LRPPRC: variants seen among roughly 807,000 people sequenced by gnomAD.
LRPPRC encodes leucine-rich PPR motif-containing protein, mitochondrial.
LRPPRC carries 120 observed loss-of-function variants against 180.3 expected under a neutral mutation model. That is an observed-to-expected ratio of 0.67 (90% confidence interval 0.57 to 0.77). The LOEUF (loss-of-function observed/expected upper bound fraction) is 0.77. LRPPRC is among the 30% of genes least tolerant of loss of function. The pLI, the probability that LRPPRC is intolerant of heterozygous loss-of-function variation, is 0.00. For missense variants in LRPPRC, 2,012 were observed against 1,657.2 expected, an observed-to-expected ratio of 1.21 and a Z score of -3.72; for synonymous variants, 723 against 600.0, an observed-to-expected ratio of 1.21 and a Z score of -3.00.
At chr2:43,929,494 A>C (rs1006003019) in intron 25 of LRPPRC, among the ~76,000 whole-genome samples, 6 of 152,168 alleles carry the variant, frequency 3.9e-5, no homozygotes, top group African/African-American at 1.4e-4. Context: ...CCTATATTTT[A>C]AGCATTCATG....
chr2:43,953,892 C>T (rs970927405), intron 14 of LRPPRC, among the ~76,000 whole-genome samples: 9 of 152,142 alleles, frequency 5.9e-5, no homozygotes, highest in Non-Finnish European at 1.3e-4. Context: ...CAATAATGGC[C>T]AGGCCGGTGG....
rs568212653 is a variant in LRPPRC at position 43,948,525 on chromosome 2, A to C, written c.1736-7T>G. The C allele has an allele frequency of 8.8e-5, 124 of 1,411,560 alleles. 1 individual carries two copies. The highest frequency in any genetic ancestry group is 2.5e-4 in the Admixed American group (15 of 59,746). 87.4% of individuals were successfully genotyped at this position (1,411,560 alleles called of 1,614,324 possible). ...AGAAAATAGCCAACAGCTTCTGTGG[A>C]AAAAAACAAGAGAAAGCATTCCACT... On this transcript the variant is annotated splice_polypyrimidine_tract_variant and splice_region_variant and intron_variant, in intron 16 of 37. Transcript: ENST00000260665.
chr2:43,965,368 A>G (rs1673511698), intron 11 of LRPPRC, among the ~76,000 whole-genome samples: 1 of 152,140 alleles, frequency 6.6e-6, no homozygotes, highest in South Asian at 2.1e-4. Context: ...CTGGACCCTT[A>G]TCTTATACAA....
chr2:43,972,355 C>T (rs1339802210), intron 11 of LRPPRC, among the ~76,000 whole-genome samples: 2 of 152,144 alleles, frequency 1.3e-5, no homozygotes, highest in Admixed American at 6.5e-5. Context: ...AAAGAAATTA[C>T]CTAACTCTTT....
rs375020672 is a variant in LRPPRC, at chr2:43,917,212, G to C, written c.3148+813C>G. On this transcript the variant is annotated intron_variant, in intron 29 of 37. Coordinates refer to ENST00000260665, the MANE Select transcript of LRPPRC (RefSeq NM_133259.4). ...TGCACCAACATGCCCGGCTAATTTT[G>C]GTATTTCTAGTAGAGATGGAGTTTC... 1.4e-4 allele frequency among the ~76,000 whole-genome samples: 21 copies of C among 151,282 alleles called. 1 individual carries two copies. In the South Asian group the frequency reaches 4.4e-3, roughly 32 times the overall value.
intron 23 of LRPPRC, among the ~76,000 whole-genome samples, chr2:43,935,861 C>T (rs981944049): frequency 3.9e-5 from 6 of 152,084 alleles, no homozygotes; most frequent in African/African-American, 1.4e-4. Context: ...GCCTGTAATC[C>T]CAGCACTTTG....
chr2:43,912,207 A>C (rs1671286794), intron 30 of LRPPRC, among the ~76,000 whole-genome samples: 1 of 152,220 alleles, frequency 6.6e-6, no homozygotes, highest in Admixed American at 6.5e-5. Context: ...ATGGAATATA[A>C]CTTAGTAAGC....
chr2:43,907,201 C>T (rs966545917), intron 30 of LRPPRC, among the ~76,000 whole-genome samples: 2 of 152,170 alleles, frequency 1.3e-5, no homozygotes, highest in Non-Finnish European at 2.9e-5. Context: ...TTTCAATAAT[C>T]TCTTCCTCTC....
chr2:43,947,846 CA>C, intron 18 of LRPPRC, 71 bp from the exon 19 acceptor site: 1 of 1,016,006 alleles, frequency 9.8e-7, no homozygotes, highest in South Asian at 1.3e-5. Flanking sequence ...ACATCAAAAG[CA>C]AATTTGTAAG....
At chr2:43,973,564 G>T in intron 11 of LRPPRC, 43 bp downstream of exon 11, 1 of 1,238,420 alleles carries the variant, frequency 8.1e-7, no homozygotes, top group Non-Finnish European at 1.2e-6. Flanking sequence ...CTGTCATACT[G>T]GCTCTGGGAA....
chr2:43,932,136 A>AAATAAAT (rs1558962160), intron 25 of LRPPRC, among the ~76,000 whole-genome samples: 1 of 148,006 alleles, frequency 6.8e-6, no homozygotes, highest in Non-Finnish European at 1.5e-5. Flanking sequence ...AAAAAAAAAA[A>AAATAAAT]AAAAAAAAAA....
chr2:43,953,706 AT>A (rs1672994059), intron 14 of LRPPRC, among the ~76,000 whole-genome samples: 1 of 152,222 alleles, frequency 6.6e-6, no homozygotes, highest in Non-Finnish European at 1.5e-5. Flanking sequence ...ATTTTCGAAT[AT>A]TTTCAATGTT....
chr2:43,922,360 T>G (rs1671727433), intron 27 of LRPPRC, among the ~76,000 whole-genome samples: 1 of 152,206 alleles, frequency 6.6e-6, no homozygotes, highest in Non-Finnish European at 1.5e-5. Flanking sequence ...ATTAAGTGTG[T>G]ATTAAGTATG....
At position 43,963,645 on chromosome 2, in the gene LRPPRC, A is replaced by G. The variant is rs746627889; in HGVS notation, c.1431T>C (p.Tyr477=). The stretch of plus-strand genomic sequence containing the variant: ...CAAAGCATGGAATCACATAATCTGT[A>G]TATGTTTCCTGATCAGGATGTACTC... ...ELGVHPDQET[Y]TDYVIPCFDS... The change falls in exon 12 of 38, where the codon TAT becomes TAC. Residue 477 remains tyrosine, a synonymous_variant. Coordinates refer to ENST00000260665, the MANE Select transcript of LRPPRC (RefSeq NM_133259.4). 12 of 1,612,818 alleles carry G rather than the reference A, an allele frequency of 7.4e-6. No individual in the cohort carries two copies. The South Asian group carries it at 7.7e-5, about 10-fold the overall frequency.
intron 31 of LRPPRC, among the ~76,000 whole-genome samples, chr2:43,905,065 C>T (rs1671024142): frequency 6.6e-6 from 1 of 152,178 alleles, no homozygotes; most frequent in Admixed American, 6.5e-5. Context: ...CAATCCTCCC[C>T]AAAGTCATGT....
In LRPPRC at chr2:43,950,614, C is replaced by A. The variant is rs373734114; in HGVS notation, c.1650-14G>T. On this transcript the variant is annotated splice_polypyrimidine_tract_variant and intron_variant, in intron 14 of 37. Coordinates refer to ENST00000260665, the MANE Select transcript of LRPPRC (RefSeq NM_133259.4). ...ATATTCATAGACCTGCAGAGGGCAGCAAAGGATCGAAAATAAACCCAGGTT... is the reference window on the plus strand; with the variant it reads ...ATATTCATAGACCTGCAGAGGGCAGAAAAGGATCGAAAATAAACCCAGGTT... 34 of 1,611,656 alleles carry A rather than the reference C, an allele frequency of 2.1e-5. No homozygotes were observed. The highest frequency in any genetic ancestry group is 2.8e-5 in the Non-Finnish European group (33 of 1,178,012).
intron 29 of LRPPRC, among the ~76,000 whole-genome samples, 167 bp downstream of exon 29, chr2:43,917,858 T>C (rs1289390738): frequency 6.6e-6 from 1 of 152,088 alleles, no homozygotes; most frequent in Non-Finnish European, 1.5e-5. Context: ...ATTTTCCCAA[T>C]TGCCCCAAAA....
At chr2:43,912,641 C>G (rs1422847818) in intron 29 of LRPPRC, 83 bp from the exon 30 acceptor site, 1 of 1,198,240 alleles carries the variant, frequency 8.3e-7, no homozygotes, top group Non-Finnish European at 1.2e-6. Context: ...AAACAAAGAC[C>G]TAAACCCAAA....
chr2:43,957,303 A>G (rs1673158291), intron 14 of LRPPRC, 82 bp downstream of exon 14: 1 of 918,232 alleles, frequency 1.1e-6, no homozygotes, highest in Admixed American at 1.7e-5. Context: ...GAATATTTGT[A>G]TTTTTCCTCA....
Sources: gnomAD v4.1 joint callset for allele counts (sites outside exome capture counted in the v4.1 genomes callset) on GRCh38, gnomAD v4.1.1 for gene constraint, MANE v1.5 for transcripts, NCBI Gene and HGNC (gene_info 2026-07-23, HGNC 2026-07-21) for gene names.